Variants in MBNL2 observed in about 807,000 individuals in gnomAD.
The protein encoded by MBNL2 is muscleblind-like protein 2.
MBNL2 carries 17 observed loss-of-function variants against 41.9 expected under a neutral mutation model. That is an observed-to-expected ratio of 0.41 (90% CI 0.28 to 0.61). The LOEUF is 0.61. MBNL2 is among the 20% of genes least tolerant of loss of function. The probability of loss-of-function intolerance (pLI) is 0.35; values close to 1 mark genes in which losing one functional copy is unlikely to be tolerated. For missense variants in MBNL2, 336 were observed against 505.6 expected, an observed-to-expected ratio of 0.66 and a Z score of 3.22; for synonymous variants, 195 against 182.9, an observed-to-expected ratio of 1.07 and a Z score of -0.53.
At position 97,243,446 on chromosome 13, in the gene MBNL2, G is replaced by A. The variant is rs76680007; in HGVS notation, c.-605+20915G>A. 2.5e-3 allele frequency among the ~76,000 whole-genome samples: 376 copies of A among 152,264 alleles called. 2 individuals are homozygous for A. Among genetic ancestry groups the A allele is most frequent in the African/African-American group, 8.7e-3 (363 of 41,542 alleles). On this transcript the variant is annotated intron_variant, in intron 1 of 8. Transcript: ENST00000679496. ...GGAGGTGAGGATAAATGGAAAGGGG[G>A]CACAAGGATCAGGGAGGACAGGACT...
chr13:97,367,918 G>C (rs9300406), intron 8 of MBNL2, among the ~76,000 whole-genome samples: 2 of 152,052 alleles, frequency 1.3e-5, no homozygotes, highest in African/African-American at 4.8e-5. Flanking sequence ...TGATGATGAT[G>C]ATTATTATTT....
At chr13:97,225,542 C>A (rs1374806750) in intron 1 of MBNL2, among the ~76,000 whole-genome samples, 4 of 151,972 alleles carry the variant, frequency 2.6e-5, no homozygotes, top group African/African-American at 9.7e-5. Flanking sequence ...CATGTCAGAG[C>A]TGGCTGGGTT....
chr13:97,196,443 G>C, the MBNL2 span, among the ~76,000 whole-genome samples: 2 of 152,082 alleles, frequency 1.3e-5, no homozygotes, highest in Admixed American at 1.3e-4. Context: ...AGGAACAGAC[G>C]GCTATTTAGA....
At chr13:97,329,417 A>T (rs1355217752) in intron 2 of MBNL2, among the ~76,000 whole-genome samples, 1 of 152,018 alleles carries the variant, frequency 6.6e-6, no homozygotes, top group Non-Finnish European at 1.5e-5. Flanking sequence ...CTGCTTAAAA[A>T]CTTTCAACAG....
rs142904341 is a variant in MBNL2, at chr13:97,302,897, G to A, written c.174+26488G>A. Among the ~76,000 whole-genome samples, 11 of 152,254 alleles carry A rather than the reference G, an allele frequency of 7.2e-5. No individual in the cohort carries two copies. In the East Asian group the frequency reaches 1.3e-3, roughly 19 times the overall value. On this transcript the variant is annotated intron_variant, in intron 2 of 8. Coordinates refer to ENST00000679496, the MANE Select transcript of MBNL2 (RefSeq NM_001382683.1). ...GCCCTGCAGCCAAGCGTGTTCCAGCGGCTGTGCCACCAATCCCTACAATCA... is the reference window on the plus strand; with the variant it reads ...GCCCTGCAGCCAAGCGTGTTCCAGCAGCTGTGCCACCAATCCCTACAATCA...
At chr13:97,345,413 A>G (rs933998746) in intron 4 of MBNL2, among the ~76,000 whole-genome samples, 5 of 152,234 alleles carry the variant, frequency 3.3e-5, no homozygotes, top group African/African-American at 1.2e-4. Flanking sequence ...ATAATTAAGA[A>G]TACTCTTCAA....
Position 97,357,101 on chromosome 13 carries a change from C to T in MBNL2, c.858+252C>T, listed in dbSNP as rs531533769. Among the ~76,000 whole-genome samples, 88 of 152,132 alleles carry T rather than the reference C, an allele frequency of 5.8e-4. 2 individuals carry two copies. In the South Asian group the frequency reaches 0.017, roughly 29 times the overall value. Reference sequence around the variant, plus strand: ...GACTCAGAAAATGTTCATTATAATTCGTATTAACCTTTAAATTCAAGAAAT... The same window carrying T: ...GACTCAGAAAATGTTCATTATAATTTGTATTAACCTTTAAATTCAAGAAAT... On this transcript the variant is annotated intron_variant, in intron 6 of 8. Coordinates refer to ENST00000679496, the MANE Select transcript of MBNL2 (RefSeq NM_001382683.1).
the MBNL2 span, among the ~76,000 whole-genome samples, chr13:97,193,922 G>A: frequency 2.0e-5 from 3 of 152,252 alleles, no homozygotes; most frequent in Admixed American, 1.3e-4. Context: ...CTCTCGCTAT[G>A]CTCCAGCCTC....
intron 2 of MBNL2, among the ~76,000 whole-genome samples, chr13:97,318,667 CCCAGAGCTTAAGTAT>C (rs2059252080): frequency 1.3e-5 from 2 of 152,178 alleles, no homozygotes; most frequent in African/African-American, 2.4e-5. Context: ...TTCTGGACTA[CCCAGAGCTTAAGTAT>C]CCAGCCAGCA....
chr13:97,160,719 T>A, the MBNL2 span, among the ~76,000 whole-genome samples: 1 of 152,204 alleles, frequency 6.6e-6, no homozygotes, highest in African/African-American at 2.4e-5. Context: ...CTCCTTAGAA[T>A]GAGAATCAGG....
intron 1 of MBNL2, among the ~76,000 whole-genome samples, chr13:97,251,944 G>A (rs1039730785): frequency 1.4e-5 from 2 of 145,520 alleles, no homozygotes; most frequent in African/African-American, 2.6e-5. Context: ...TCCGCTTCCC[G>A]GGTTCACGCC....
Position 97,334,936 on chromosome 13 carries a change from G to T in MBNL2, c.339+496G>T, listed in dbSNP as rs546530717. 6.6e-6 allele frequency among the ~76,000 whole-genome samples: 1 copy of T among 152,298 alleles called. No homozygotes were observed. The highest frequency in any genetic ancestry group is 2.1e-4 in the South Asian group (1 of 4,822). Reference sequence around the variant, plus strand: ...CTTAACTCAGACATGTTAGCAGAGCGCTTTCTGCAGTGTGTTCCAGGAAGA... The same window carrying T: ...CTTAACTCAGACATGTTAGCAGAGCTCTTTCTGCAGTGTGTTCCAGGAAGA... On this transcript the variant is annotated intron_variant, in intron 3 of 8. Transcript: ENST00000679496. The surrounding 1 kb of genome is among the most constrained non-coding windows in gnomAD (Gnocchi z 5.3).
At chr13:97,208,356 G>C in the MBNL2 span, among the ~76,000 whole-genome samples, 2 of 152,226 alleles carry the variant, frequency 1.3e-5, no homozygotes, top group Admixed American at 1.3e-4. Flanking sequence ...AGGAATCAAT[G>C]ATTGAGGATC....
chr13:97,198,029 T>C, the MBNL2 span, among the ~76,000 whole-genome samples: 2 of 152,144 alleles, frequency 1.3e-5, no homozygotes, highest in Admixed American at 1.3e-4. Context: ...CCATGGTTGA[T>C]TTTATATGTA....
At chr13:97,247,922 C>T (rs141111900) in intron 1 of MBNL2, among the ~76,000 whole-genome samples, 31 of 152,298 alleles carry the variant, frequency 2.0e-4, no homozygotes, top group East Asian at 9.6e-4. Context: ...AAAGCGTATA[C>T]GACAAACCCT....
chr13:97,307,160 A>G (rs575110951), intron 2 of MBNL2, among the ~76,000 whole-genome samples: 1 of 152,272 alleles, frequency 6.6e-6, no homozygotes, highest in Non-Finnish European at 1.5e-5. Context: ...AACGTCTTCA[A>G]TAAAACCATG....
At chr13:97,352,040 A>G (rs1001830784) in intron 5 of MBNL2, among the ~76,000 whole-genome samples, 2 of 72,894 alleles carry the variant, frequency 2.7e-5, no homozygotes, top group Non-Finnish European at 4.4e-5. Flanking sequence ...AAAAATATAA[A>G]TAAATAAATA....
intron 2 of MBNL2, among the ~76,000 whole-genome samples, chr13:97,317,657 T>A (rs1305203463): frequency 6.6e-6 from 1 of 152,220 alleles, no homozygotes; most frequent in Non-Finnish European, 1.5e-5. Flanking sequence ...TCCCAGAGGC[T>A]GTTAGTGGTG....
intron 1 of MBNL2, among the ~76,000 whole-genome samples, chr13:97,233,780 T>G (rs1460406165): frequency 6.6e-6 from 1 of 151,968 alleles, no homozygotes; most frequent in Non-Finnish European, 1.5e-5. Context: ...GCAGAGAGCT[T>G]TGGTCCTTTT....
Sources: allele counts gnomAD v4.1 joint callset (sites outside exome capture counted in the v4.1 genomes callset), GRCh38; gene constraint gnomAD v4.1.1; non-coding constraint Gnocchi (gnomAD v3.1); transcripts MANE v1.5; gene names NCBI Gene and HGNC (gene_info 2026-07-23, HGNC 2026-07-21).